The following MSI2 variants were observed in gnomAD, a reference collection of about 807,000 sequenced individuals.
The protein encoded by MSI2 is musashi RNA binding protein 2.
A neutral mutation model predicts 45.6 loss-of-function variants in MSI2; 17 were observed. The observed-to-expected ratio is 0.37, with a 90% CI of 0.26 to 0.56. MSI2 has a LOEUF of 0.56. Ranked by LOEUF, MSI2 falls within the 20% of genes least tolerant of loss-of-function variation. The pLI, the probability that MSI2 is intolerant of heterozygous loss-of-function variation, is 0.77. For missense variants in MSI2, 293 were observed against 444.2 expected, an observed-to-expected ratio of 0.66 and a Z score of 3.06; for synonymous variants, 156 against 158.2, an observed-to-expected ratio of 0.99 and a Z score of 0.11.
At position 57,618,843 on chromosome 17, in the gene MSI2, C is replaced by T. The variant is rs896661489; in HGVS notation, c.652+2759C>T. Among the ~76,000 whole-genome samples the T allele has an allele frequency of 7.2e-5, 11 of 152,152 alleles. No homozygotes were observed. The East Asian group carries it at 7.7e-4, about 11-fold the overall frequency. ...AGGCGTGAGCCACTGCGCCCAGCAA[C>T]GCTGTCTCTTAAAAAAATAAATAAA... On this transcript the variant is annotated intron_variant, in intron 9 of 13. Coordinates refer to ENST00000284073, the MANE Select transcript of MSI2 (RefSeq NM_138962.4).
chr17:57,615,990 G>C lies in MSI2; in HGVS notation c.558G>C (p.Gln186His). The change falls in exon 9 of 14, where the codon CAG becomes CAC. Residue 186 changes from glutamine (Q) to histidine (H), a missense_variant. Coordinates refer to ENST00000284073, the MANE Select transcript of MSI2 (RefSeq NM_138962.4). Reference protein sequence around the residue: ...NNKMVECKKAQPKEVMFPPGT... With the variant: ...NNKMVECKKAHPKEVMFPPGT... ...AACAGGTAGAATGTAAGAAAGCTCAGCCGAAAGAAGTCATGTTCCCACCTG... is the reference window on the plus strand; with the variant it reads ...AACAGGTAGAATGTAAGAAAGCTCACCCGAAAGAAGTCATGTTCCCACCTG... The C allele has an allele frequency of 3.1e-6, 5 of 1,614,102 alleles. No homozygotes were observed. The highest frequency in any genetic ancestry group is 4.2e-6 in the Non-Finnish European group (5 of 1,179,952).
chr17:57,648,752 C>T (rs76908971), intron 10 of MSI2, among the ~76,000 whole-genome samples: 1 of 152,180 alleles, frequency 6.6e-6, no homozygotes, highest in Non-Finnish European at 1.5e-5. Context: ...GACCACCTGC[C>T]TGGTTCCCTG....
At chr17:57,417,190 G>A (rs2084311137) in intron 6 of MSI2, among the ~76,000 whole-genome samples, 1 of 152,180 alleles carries the variant, frequency 6.6e-6, no homozygotes, top group Non-Finnish European at 1.5e-5. Context: ...GCCAGCCTGA[G>A]CATTGACCTG....
At chr17:57,363,776 C>CAACA (rs1567781575) in intron 5 of MSI2, among the ~76,000 whole-genome samples, 2 of 5,182 alleles carry the variant, frequency 3.9e-4, no homozygotes, top group African/African-American at 2.0e-3. Flanking sequence ...CAACAACAAA[C>CAACA]AACAACAACA....
chr17:57,638,391 G>A (rs1363985005), intron 10 of MSI2, among the ~76,000 whole-genome samples: 1 of 152,172 alleles, frequency 6.6e-6, no homozygotes, highest in Non-Finnish European at 1.5e-5. Flanking sequence ...GGCCTCCTGG[G>A]GCACAAGTTG....
chr17:57,313,063 T>C (rs1288557331), intron 5 of MSI2, among the ~76,000 whole-genome samples: 2 of 152,170 alleles, frequency 1.3e-5, no homozygotes, highest in African/African-American at 2.4e-5. Context: ...ACCAGGATGG[T>C]CTTGATCTCT....
intron 7 of MSI2, among the ~76,000 whole-genome samples, chr17:57,581,822 G>A (rs1359941466): frequency 1.3e-5 from 2 of 152,328 alleles, no homozygotes; most frequent in African/African-American, 2.4e-5. Context: ...CCAGCATTTC[G>A]TAAGTCGTCG....
intron 11 of MSI2, among the ~76,000 whole-genome samples, chr17:57,656,775 AG>A (rs1305844696): frequency 6.6e-6 from 1 of 152,136 alleles, no homozygotes; most frequent in East Asian, 1.9e-4. Context: ...TTCCCCAGGA[AG>A]GCTCCCTAGA....
Position 57,553,381 on chromosome 17 carries a change from G to A in MSI2, c.454+23657G>A, listed in dbSNP as rs564142032. ...CAGGTCTTCCTGGACCCCTAGCCAGGTTTTGATTTTCTAGGCTGGGATGAA... is the reference window on the plus strand; with the variant it reads ...CAGGTCTTCCTGGACCCCTAGCCAGATTTTGATTTTCTAGGCTGGGATGAA... On this transcript the variant is annotated intron_variant, in intron 7 of 13. Transcript: ENST00000284073. Among the ~76,000 whole-genome samples, 3 of 152,326 alleles carry A rather than the reference G, an allele frequency of 2.0e-5. No individual in the cohort carries two copies. In the Middle Eastern group the frequency reaches 0.01, roughly 518 times the overall value.
intron 6 of MSI2, among the ~76,000 whole-genome samples, chr17:57,464,609 G>A (rs1265502787): frequency 2.0e-5 from 3 of 152,276 alleles, no homozygotes; most frequent in East Asian, 1.9e-4. Context: ...GCCTCGTTAC[G>A]GGGTGTGGGT....
At chr17:57,447,699 G>A (rs1206904658) in intron 6 of MSI2, among the ~76,000 whole-genome samples, 4 of 152,098 alleles carry the variant, frequency 2.6e-5, no homozygotes, top group African/African-American at 9.7e-5. Context: ...ATCCCCTGAG[G>A]AGTGCACGAC....
At chr17:57,653,197 T>C (rs1389990080) in intron 11 of MSI2, among the ~76,000 whole-genome samples, 2 of 152,194 alleles carry the variant, frequency 1.3e-5, no homozygotes, top group East Asian at 1.9e-4. Flanking sequence ...TGATGAGAAG[T>C]TGGCACAGTG....
chr17:57,650,546 G>A (rs1218474677), intron 10 of MSI2, among the ~76,000 whole-genome samples: 1 of 152,168 alleles, frequency 6.6e-6, no homozygotes, highest in Non-Finnish European at 1.5e-5. Context: ...GGAAGGGAGG[G>A]CCTCCAGTCA....
chr17:57,647,675 C>T (rs1286001209), intron 10 of MSI2, among the ~76,000 whole-genome samples: 4 of 151,532 alleles, frequency 2.6e-5, no homozygotes, highest in African/African-American at 7.3e-5. Context: ...GACAGAGTCT[C>T]GCTCTGTCGC....
Position 57,527,063 on chromosome 17 carries a change from A to T in MSI2, c.406-2613A>T, listed in dbSNP as rs185108659. 2.1e-3 allele frequency among the ~76,000 whole-genome samples: 327 copies of T among 152,230 alleles called. 1 individual carries two copies. Among genetic ancestry groups the T allele is most frequent in the Non-Finnish European group, 3.5e-3 (240 of 68,016 alleles). ...AAAGGAGGTTTTGAAAATACGTTTT[A>T]AAAAAAATCCAAAACATTTATTTCC... On this transcript the variant is annotated intron_variant, in intron 6 of 13. Transcript: ENST00000284073.
intron 5 of MSI2, among the ~76,000 whole-genome samples, chr17:57,390,278 C>G (rs973758191): frequency 6.6e-6 from 1 of 152,054 alleles, no homozygotes; most frequent in Non-Finnish European, 1.5e-5. Context: ...TTTGTTGAGG[C>G]CTCTATCCTT....
chr17:57,268,975 A>G (rs1272952043), intron 5 of MSI2, among the ~76,000 whole-genome samples: 1 of 152,186 alleles, frequency 6.6e-6, no homozygotes, highest in Non-Finnish European at 1.5e-5. Context: ...TAAGAACATC[A>G]TTAGCTCCAG....
chr17:57,628,703 T>G (rs2144611430), intron 10 of MSI2: 1 of 152,772 alleles, frequency 6.5e-6, no homozygotes, highest in Non-Finnish European at 1.5e-5. Context: ...GGAGTTTGAG[T>G]GCAGGTGGCT....
intron 5 of MSI2, among the ~76,000 whole-genome samples, chr17:57,357,863 G>A (rs1368802851): frequency 6.6e-6 from 1 of 152,120 alleles, no homozygotes; most frequent in Non-Finnish European, 1.5e-5. Context: ...AGCTGAAGGT[G>A]CTCTGTTGTT....
Sources: gnomAD v4.1 joint callset for allele counts (sites outside exome capture counted in the v4.1 genomes callset) on GRCh38, gnomAD v4.1.1 for gene constraint, MANE v1.5 for transcripts, NCBI Gene and HGNC (gene_info 2026-07-23, HGNC 2026-07-21) for gene names.